Variants in FRK observed in about 807,000 individuals in gnomAD.
The protein encoded by FRK is tyrosine-protein kinase FRK.
FRK carries 51 observed loss-of-function variants against 56.4 expected under a neutral mutation model. The ratio of observed to expected loss-of-function variants is 0.90; its 90% CI spans 0.72 to 1.14. The LOEUF (loss-of-function observed/expected upper bound fraction) is 1.14, where lower values mean the gene tolerates loss of function less well. Ranked by LOEUF, FRK falls within the 50% of genes most tolerant of loss-of-function variation. The pLI is 0.00. For missense variants in FRK, 570 were observed against 601.4 expected (o/e 0.95, Z 0.55); for synonymous variants, 245 against 217.9 (o/e 1.12, Z -1.10).
chr6:116,067,051 G>A, the FRK span, among the ~76,000 whole-genome samples: 1 of 152,076 alleles, frequency 6.6e-6, no homozygotes, highest in East Asian at 1.9e-4. Flanking sequence ...ATCAGGGTGA[G>A]CCCTAATCCA....
chr6:115,989,268 A>G (rs917313532), intron 2 of FRK, among the ~76,000 whole-genome samples: 1 of 152,054 alleles, frequency 6.6e-6, no homozygotes, highest in East Asian at 1.9e-4. Flanking sequence ...TGCATCACAG[A>G]AAACAATTTC....
At chr6:116,090,117 T>A in the FRK span, among the ~76,000 whole-genome samples, 110 of 152,346 alleles carry the variant, frequency 7.2e-4, no homozygotes, top group African/African-American at 2.6e-3. Flanking sequence ...TATCTGTGAA[T>A]GTTAGTCTCA....
chr6:116,022,008 A>G (rs1775889136), intron 1 of FRK, among the ~76,000 whole-genome samples: 1 of 152,042 alleles, frequency 6.6e-6, no homozygotes. Context: ...ACAGATTCTC[A>G]CATATATTAA....
At chr6:116,061,196 G>A (rs1777611608), upstream of FRK, among the ~76,000 whole-genome samples, 1 of 152,070 alleles carries the variant, frequency 6.6e-6, no homozygotes, top group Non-Finnish European at 1.5e-5. Flanking sequence ...AAGTATTTAG[G>A]TATTTCTTGT....
In FRK at chr6:115,942,502, C is replaced by G. The variant is rs199509116; in HGVS notation, c.1430G>C (p.Arg477Pro). 16 of 1,613,604 alleles carry G rather than the reference C, an allele frequency of 9.9e-6. No homozygotes were observed. Among genetic ancestry groups the G allele is most frequent in the Non-Finnish European group, 1.4e-5 (16 of 1,179,778 alleles). Reference sequence around the variant, plus strand: ...CCAACGCAGTGTCTCAAATGTAGGTCGTTCCTTAGGCTCTGCATTCCAGCA... The same window carrying G: ...CCAACGCAGTGTCTCAAATGTAGGTGGTTCCTTAGGCTCTGCATTCCAGCA... ...LECWNAEPKE[R>P]PTFETLRWKL... The change falls in exon 8 of 8, where the codon CGA becomes CCA. Residue 477 changes from arginine to proline, a missense_variant. Transcript: ENST00000606080.
At chr6:116,003,804 C>T (rs778474850) in intron 2 of FRK, 73 bp downstream of exon 2, 18 of 1,535,012 alleles carry the variant, frequency 1.2e-5, no homozygotes, top group Non-Finnish European at 1.5e-5. Flanking sequence ...ATGATCGTGT[C>T]CATGTTCACA....
chr6:116,020,305 GT>G (rs113415192), intron 1 of FRK, among the ~76,000 whole-genome samples: 2 of 149,234 alleles, frequency 1.3e-5, no homozygotes, highest in South Asian at 4.2e-4. Flanking sequence ...TTTGTTTTTT[GT>G]TTTTTTTTGG....
At chr6:116,082,477 T>C in the FRK span, among the ~76,000 whole-genome samples, 1 of 152,118 alleles carries the variant, frequency 6.6e-6, no homozygotes, top group Admixed American at 6.5e-5. Context: ...ATCCAGGTGG[T>C]AGCAGTGAAG....
chr6:116,032,454 G>A (rs1450639977), intron 1 of FRK, among the ~76,000 whole-genome samples: 1 of 151,912 alleles, frequency 6.6e-6, no homozygotes, highest in African/African-American at 2.4e-5. Context: ...TACAGAATAA[G>A]TATAGAGAAA....
At position 115,934,584 on chromosome 6, in the gene FRK, G is replaced by A. The variant is rs1772011771; in HGVS notation, c.*7830C>T. ...CACATTGAACTGCTAATGATATTGT[G>A]CCTGGAGCCCTCCCTACTTCCTGTC... On this transcript the variant is annotated 3_prime_UTR_variant, in exon 8 of 8. Transcript: ENST00000606080. 6.6e-6 allele frequency: 1 copy of A among 152,148 alleles called. No homozygotes were observed. Among genetic ancestry groups the A allele is most frequent in the Non-Finnish European group, 1.5e-5 (1 of 68,026 alleles). 9.4% of individuals were successfully genotyped at this position (152,148 alleles called of 1,614,324 possible). A position where few individuals can be genotyped will look rare whatever the true frequency, so the allele number is the denominator to read the frequency against.
At position 115,941,565 on chromosome 6, in the gene FRK, T is replaced by C. The variant is rs1772183271; in HGVS notation, c.*849A>G. 6.6e-6 allele frequency: 1 copy of C among 152,190 alleles called. No homozygotes were observed. The highest frequency in any genetic ancestry group is 1.5e-5 in the Non-Finnish European group (1 of 68,030). 9.4% of individuals were successfully genotyped at this position (152,190 alleles called of 1,614,324 possible). On this transcript the variant is annotated 3_prime_UTR_variant, in exon 8 of 8. Transcript: ENST00000606080. ...AGGGTACTTCTTTTTCTTTATTAAT[T>C]ACTCAGAAGTCTAGGCCACAGCAAT...
chr6:115,962,067 G>C (rs1265857494), intron 4 of FRK, among the ~76,000 whole-genome samples: 1 of 142,504 alleles, frequency 7.0e-6, no homozygotes, highest in Admixed American at 6.9e-5. Flanking sequence ...AATATAAATG[G>C]AGTAAATTCT....
At chr6:115,959,533 T>C (rs1000303993) in intron 4 of FRK, among the ~76,000 whole-genome samples, 1 of 152,198 alleles carries the variant, frequency 6.6e-6, no homozygotes, top group Non-Finnish European at 1.5e-5. Flanking sequence ...TAGAATGTCC[T>C]CACCTGGAGC....
intron 5 of FRK, among the ~76,000 whole-genome samples, chr6:115,944,948 T>C (rs1248789409): frequency 6.6e-6 from 1 of 152,168 alleles, no homozygotes; most frequent in Non-Finnish European, 1.5e-5. Flanking sequence ...CTCCCACTTA[T>C]AAGTGAGAAC....
intron 1 of FRK, among the ~76,000 whole-genome samples, chr6:116,006,160 T>A (rs1775239631): frequency 6.6e-6 from 1 of 152,150 alleles, no homozygotes; most frequent in Non-Finnish European, 1.5e-5. Context: ...TGTTGAGACC[T>A]ATAATCGATA....
At chr6:116,042,896 C>T (rs1285449054) in intron 1 of FRK, among the ~76,000 whole-genome samples, 1 of 151,550 alleles carries the variant, frequency 6.6e-6, no homozygotes, top group Non-Finnish European at 1.5e-5. Context: ...GGAATATTTA[C>T]CAAGTAAATG....
At chr6:115,989,220 A>G (rs1455951095) in intron 2 of FRK, among the ~76,000 whole-genome samples, 1 of 151,958 alleles carries the variant, frequency 6.6e-6, no homozygotes, top group Non-Finnish European at 1.5e-5. Flanking sequence ...ATAGACTAAC[A>G]ATTTACAGAT....
intron 2 of FRK, among the ~76,000 whole-genome samples, chr6:115,990,862 C>T (rs1392977957): frequency 6.6e-6 from 1 of 151,750 alleles, no homozygotes; most frequent in Non-Finnish European, 1.5e-5. Context: ...TTGCCTTGGG[C>T]AGTATAGTCA....
intron 2 of FRK, among the ~76,000 whole-genome samples, chr6:115,969,478 T>C (rs530216434): frequency 2.0e-5 from 3 of 152,312 alleles, no homozygotes; most frequent in Non-Finnish European, 4.4e-5. Flanking sequence ...GCCGCCCACC[T>C]ACCATTGACC....
Sources: gnomAD v4.1 joint callset for allele counts (sites outside exome capture counted in the v4.1 genomes callset) on GRCh38, gnomAD v4.1.1 for gene constraint, MANE v1.5 for transcripts, NCBI Gene and HGNC (gene_info 2026-07-23, HGNC 2026-07-21) for gene names.